Variants in ZNF714 observed in about 807,000 individuals in gnomAD.
ZNF714 encodes the protein zinc finger protein 714.
In ZNF714, 32 loss-of-function variants were observed where a neutral mutation model predicts 46.2. The ratio of observed to expected loss-of-function variants is 0.69; its 90% CI spans 0.52 to 0.93. ZNF714 has a LOEUF of 0.93. Ranked by LOEUF, ZNF714 falls within the 40% of genes least tolerant of loss-of-function variation. The pLI is 0.00. For missense variants in ZNF714, 635 were observed against 646.3 expected (o/e 0.98, Z 0.19); for synonymous variants, 199 against 213.1 (o/e 0.93, Z 0.58).
At chr19:21,104,223 A>G (rs1386140208) in intron 4 of ZNF714, among the ~76,000 whole-genome samples, 1 of 112,736 alleles carries the variant, frequency 8.9e-6, no homozygotes, top group African/African-American at 2.8e-5. Flanking sequence ...ATAATATTTG[A>G]TAATCTTTGA....
intron 2 of ZNF714, among the ~76,000 whole-genome samples, chr19:21,086,790 C>T (rs1208910221): frequency 6.6e-6 from 1 of 152,182 alleles, no homozygotes; most frequent in African/African-American, 2.4e-5. Context: ...ATGCCTCTGA[C>T]ATCTCCCCCT....
At chr19:21,109,487 T>G (rs892779285) in intron 4 of ZNF714, 4 of 184,362 alleles carry the variant, frequency 2.2e-5, no homozygotes, top group Non-Finnish European at 3.1e-5. Context: ...CCAAAAGTTC[T>G]GAGATTACAT....
rs895832462 is a variant in ZNF714 at position 21,118,994 on chromosome 19, T to C, written c.*662T>C. The C allele has an allele frequency of 5.9e-6, 2 of 336,752 alleles. No homozygotes were observed. The highest frequency in any genetic ancestry group is 4.2e-5 in the Admixed American group (1 of 23,636). 20.9% of individuals were successfully genotyped at this position (336,752 alleles called of 1,614,324 possible). A position where few individuals can be genotyped will look rare whatever the true frequency, so the allele number is the denominator to read the frequency against. On this transcript the variant is annotated 3_prime_UTR_variant, in exon 5 of 5. Transcript: ENST00000456283. ...GGAAAGCATTTGTACTTGAGATAAA[T>C]TATACAAATATAAAGACTGAAAAAG...
intron 2 of ZNF714, among the ~76,000 whole-genome samples, chr19:21,095,575 G>T (rs1285478439): frequency 1.3e-5 from 2 of 151,730 alleles, no homozygotes; most frequent in African/African-American, 4.8e-5. Context: ...CCATTCTCCT[G>T]CCTCAGCCTC....
chr19:21,122,241 C>A lies in ZNF714; in HGVS notation c.*3909C>A, dbSNP rs1189801133. 1 of 152,120 alleles carries A rather than the reference C, an allele frequency of 6.6e-6. No homozygotes were observed. Among genetic ancestry groups the A allele is most frequent in the East Asian group, 1.9e-4 (1 of 5,200 alleles). The allele number at this position is 152,120 out of a possible 1,614,324, so 9.4% of individuals were successfully genotyped here. On this transcript the variant is annotated 3_prime_UTR_variant, in exon 5 of 5. Transcript: ENST00000456283. ...TGCTCCATAATAATTCACAAATATT[C>A]CTGCTGGAGTTAGTTTGTAATTTCA...
chr19:21,105,423 T>A (rs1222108721), intron 4 of ZNF714, among the ~76,000 whole-genome samples: 1 of 152,234 alleles, frequency 6.6e-6, no homozygotes, highest in East Asian at 1.9e-4. Flanking sequence ...GAGTTCCATA[T>A]ATTTTCACCC....
chr19:21,120,636 A>C lies in ZNF714; in HGVS notation c.*2304A>C, dbSNP rs1969688959. On this transcript the variant is annotated 3_prime_UTR_variant, in exon 5 of 5. Transcript: ENST00000456283. ...AATAGTTTAACATTTTTAACATGTT[A>C]AATACTATTGTGCATTCAATGAAGC... The C allele has an allele frequency of 6.6e-6, 1 of 152,202 alleles. No individual in the cohort carries two copies. The highest frequency in any genetic ancestry group is 1.5e-5 in the Non-Finnish European group (1 of 68,026). The allele number at this position is 152,202 out of a possible 1,614,324, so 9.4% of individuals were successfully genotyped here. A position where few individuals can be genotyped will look rare whatever the true frequency, so the allele number is the denominator to read the frequency against.
intron 4 of ZNF714, among the ~76,000 whole-genome samples, chr19:21,103,894 A>T (rs779732842): frequency 5.9e-5 from 9 of 152,184 alleles, no homozygotes; most frequent in Non-Finnish European, 1.2e-4. Flanking sequence ...ACCCTGTCTC[A>T]AAAAGAAGCT....
In ZNF714 at chr19:21,119,937, CA is replaced by C. The variant is rs1969679759; in HGVS notation, c.*1606del. 1 of 152,186 alleles carries C rather than the reference CA, an allele frequency of 6.6e-6. No individual in the cohort carries two copies. The highest frequency in any genetic ancestry group is 2.1e-4 in the South Asian group (1 of 4,834). 9.4% of individuals were successfully genotyped at this position (152,186 alleles called of 1,614,324 possible). A position where few individuals can be genotyped will look rare whatever the true frequency, so the allele number is the denominator to read the frequency against. Reference sequence around the variant, plus strand: ...TTTTTTGAAAAGTGAATAATGATGTCATTCAACTCTGAAATTCCTGCCGTTT... The same window carrying C: ...TTTTTTGAAAAGTGAATAATGATGTCTTCAACTCTGAAATTCCTGCCGTTT... On this transcript the variant is annotated 3_prime_UTR_variant, in exon 5 of 5. Coordinates refer to ENST00000456283, the MANE Select transcript of ZNF714 (RefSeq NM_182515.4).
intron 4 of ZNF714, chr19:21,109,618 T>G: frequency 4.5e-6 from 1 of 221,174 alleles, no homozygotes; most frequent in Non-Finnish European, 7.7e-6. Flanking sequence ...TTAATTTTAT[T>G]TCAGGATACA....
rs775877553 is a variant in ZNF714, at chr19:21,119,601, T to G, written c.*1269T>G. ...ATATTGAAGAAAAATCATGCAAATG[T>G]AGTAAATTTGGAAAAACACTTTTTC... On this transcript the variant is annotated 3_prime_UTR_variant, in exon 5 of 5. Transcript: ENST00000456283. The G allele has an allele frequency of 6.7e-6, 1 of 150,022 alleles. No homozygotes were observed. Among genetic ancestry groups the G allele is most frequent in the Non-Finnish European group, 1.5e-5 (1 of 68,062 alleles). 9.3% of individuals were successfully genotyped at this position (150,022 alleles called of 1,614,324 possible).
At position 21,098,847 on chromosome 19, in the gene ZNF714, A is replaced by G; in HGVS notation, c.79A>G (p.Ser27Gly). ...IAVSKQDPITSLEQEKEPWNM... is the reference protein window; with the variant it reads ...IAVSKQDPITGLEQEKEPWNM... ...TGTCTCTAAGCAAGACCCGATCACC[A>G]GTCTAGAGCAAGAAAAAGAGCCCTG... Residue 27 changes from serine (S) to glycine (G), a missense_variant, in exon 4 of 5, where the codon AGT (serine) becomes GGT (glycine). Ser to Gly is a moderately conservative substitution (Grantham distance 56, BLOSUM62 0). Coordinates refer to ENST00000456283, the MANE Select transcript of ZNF714 (RefSeq NM_182515.4). 1 of 1,611,160 alleles carries G rather than the reference A, an allele frequency of 6.2e-7. No individual in the cohort carries two copies.
At chr19:21,083,102 A>G (rs1968695427) in intron 1 of ZNF714, among the ~76,000 whole-genome samples, 1 of 151,536 alleles carries the variant, frequency 6.6e-6, no homozygotes, top group African/African-American at 2.4e-5. Context: ...CAATGGGGCG[A>G]TCTTGTCTCA....
At position 21,092,906 on chromosome 19, in the gene ZNF714, C is replaced by CTTTTTT. The variant is rs56845417; in HGVS notation, c.-84-5263_-84-5258dup. Among the ~76,000 whole-genome samples, 41 of 101,702 alleles carry CTTTTTT rather than the reference C, an allele frequency of 4.0e-4. 1 individual carries two copies. The highest frequency in any genetic ancestry group is 5.0e-4 in the Non-Finnish European group (27 of 54,528). 66.7% of individuals were successfully genotyped at this position (101,702 alleles called of 152,430 possible). ...TCTATGTTGCTGCAAATAACTTAAA[C>CTTTTTT]TTTTTTTTTTTTTTTTTTTTTGAGA... On this transcript the variant is annotated intron_variant, in intron 2 of 4. Transcript: ENST00000456283.
At chr19:21,098,992 A>C in intron 4 of ZNF714, 82 bp downstream of exon 4, 49 of 853,080 alleles carry the variant, frequency 5.7e-5, no homozygotes, top group Middle Eastern at 2.4e-4. Flanking sequence ...GGCCCTTACA[A>C]TGTGATTTGG....
In ZNF714 at chr19:21,117,959, A is replaced by C. The variant is rs761833660; in HGVS notation, c.1295A>C (p.Lys432Thr). The C allele has an allele frequency of 3.1e-5, 50 of 1,613,508 alleles. No homozygotes were observed. Among genetic ancestry groups the C allele is most frequent in the Non-Finnish European group, 4.2e-5 (49 of 1,179,914 alleles). ...EKLYKCEECGKAFNRSSNLTT... is the reference protein window; with the variant it reads ...EKLYKCEECGTAFNRSSNLTT... ...CTCTACAAATGTGAAGAATGTGGCA[A>C]AGCTTTTAACCGATCCTCAAACCTT... The change falls in exon 5 of 5, where the codon AAA becomes ACA. Residue 432 changes from lysine (K) to threonine (T), a missense_variant. Physicochemically the swap from Lys to Thr is moderately conservative, Grantham distance 78. Coordinates refer to ENST00000456283, the MANE Select transcript of ZNF714 (RefSeq NM_182515.4).
At position 21,082,325 on chromosome 19, in the gene ZNF714, A is replaced by T; in HGVS notation, c.-200A>T. 2 of 1,454,594 alleles carry T rather than the reference A, an allele frequency of 1.4e-6. No individual in the cohort carries two copies. The highest frequency in any genetic ancestry group is 1.9e-6 in the Non-Finnish European group (2 of 1,075,868). 90.1% of individuals were successfully genotyped at this position (1,454,594 alleles called of 1,614,324 possible). A position where few individuals can be genotyped will look rare whatever the true frequency, so the allele number is the denominator to read the frequency against. On this transcript the variant is annotated 5_prime_UTR_variant, in exon 1 of 5. Transcript: ENST00000456283. ...TTGAGAGATCCACAGCTAAGACGCC[A>T]GGTACCCCGGAAGCCTAGAAATGGT...
At chr19:21,098,973 A>AC (rs1430868584) in intron 4 of ZNF714, 63 bp downstream of exon 4, 2 of 1,083,360 alleles carry the variant, frequency 1.8e-6, no homozygotes, top group African/African-American at 3.2e-5. Context: ...AAAAAAAAAA[A>AC]AGCAAGCCGG....
At chr19:21,102,652 A>G (rs1969208752) in intron 4 of ZNF714, among the ~76,000 whole-genome samples, 1 of 152,170 alleles carries the variant, frequency 6.6e-6, no homozygotes, top group Non-Finnish European at 1.5e-5. Flanking sequence ...TATACTGCAT[A>G]TTCTGTGAAA....
Sources: allele counts gnomAD v4.1 joint callset (sites outside exome capture counted in the v4.1 genomes callset), GRCh38; gene constraint gnomAD v4.1.1; transcripts MANE v1.5; gene names NCBI Gene and HGNC (gene_info 2026-07-23, HGNC 2026-07-21).